Variants in SLC25A48 observed in about 807,000 individuals in gnomAD.
The protein encoded by SLC25A48 is solute carrier family 25 member 48.
Under a neutral mutation model 32.2 loss-of-function variants are expected in SLC25A48, and 29 were observed. That is an observed-to-expected ratio of 0.90 (90% CI 0.67 to 1.23). The LOEUF is 1.23. SLC25A48 is among the 50% of genes most tolerant of loss of function. The probability of loss-of-function intolerance (pLI) is 0.00; values close to 1 mark genes in which losing one functional copy is unlikely to be tolerated. For missense variants in SLC25A48, 399 were observed against 422.7 expected, an observed-to-expected ratio of 0.94 and a Z score of 0.49; for synonymous variants, 164 against 172.3, an observed-to-expected ratio of 0.95 and a Z score of 0.38.
intron 4 of SLC25A48, chr5:135,824,790 A>C (rs972854214): frequency 3.9e-5 from 6 of 152,382 alleles, no homozygotes; most frequent in Non-Finnish European, 7.3e-5. Context: ...CTGCTTCTGC[A>C]GGACAACAGT....
At chr5:135,713,236 T>G (rs1033695131) in intron 3 of SLC25A48, among the ~76,000 whole-genome samples, 2 of 152,246 alleles carry the variant, frequency 1.3e-5, no homozygotes, top group Non-Finnish European at 2.9e-5. Flanking sequence ...CATTAAATTC[T>G]GAGAAGCACT....
chr5:135,700,553 C>G (rs1754371529), intron 3 of SLC25A48, among the ~76,000 whole-genome samples: 1 of 152,150 alleles, frequency 6.6e-6, no homozygotes. Flanking sequence ...GAGAGGCCCC[C>G]ACGGGCAGAT....
intron 4 of SLC25A48, among the ~76,000 whole-genome samples, chr5:135,866,925 G>T (rs1761248863): frequency 6.6e-6 from 1 of 152,180 alleles, no homozygotes; most frequent in South Asian, 2.1e-4. Context: ...AGTTTTTGAG[G>T]TACATAATCT....
At chr5:135,732,741 A>G (rs910153179) in intron 3 of SLC25A48, among the ~76,000 whole-genome samples, 2 of 152,314 alleles carry the variant, frequency 1.3e-5, no homozygotes, top group African/African-American at 4.8e-5. Context: ...TGGTGCAAGA[A>G]CCATTTGCCT....
chr5:135,639,549 T>A (rs2905491), intron 3 of SLC25A48, among the ~76,000 whole-genome samples: 1 of 151,856 alleles, frequency 6.6e-6, no homozygotes, highest in Non-Finnish European at 1.5e-5. Context: ...TGCTCAGGGT[T>A]TGGGAGCTTA....
chr5:135,794,948 C>T (rs201024250), intron 3 of SLC25A48, among the ~76,000 whole-genome samples: 1,397 of 75,926 alleles, frequency 0.018, 24 homozygotes, highest in African/African-American at 0.04. Flanking sequence ...TCACATGGGG[C>T]GTACACCATA....
chr5:135,734,468 T>C (rs1010044611), intron 3 of SLC25A48, among the ~76,000 whole-genome samples: 3 of 152,008 alleles, frequency 2.0e-5, no homozygotes, highest in African/African-American at 7.3e-5. Context: ...GCAACAGTTA[T>C]GGAGGCAAAG....
At chr5:135,854,073 T>C (rs542853207) in intron 4 of SLC25A48, among the ~76,000 whole-genome samples, 2 of 152,308 alleles carry the variant, frequency 1.3e-5, no homozygotes, top group South Asian at 4.1e-4. Flanking sequence ...TTCTGAGCAG[T>C]AGGTCTCAAC....
At chr5:135,676,290 C>G (rs908694550) in intron 3 of SLC25A48, among the ~76,000 whole-genome samples, 1 of 151,876 alleles carries the variant, frequency 6.6e-6, no homozygotes, top group Non-Finnish European at 1.5e-5. Flanking sequence ...TTAATAGTCT[C>G]TGATGATCTT....
chr5:135,707,741 A>G (rs2126971574), intron 3 of SLC25A48, among the ~76,000 whole-genome samples: 1 of 152,214 alleles, frequency 6.6e-6, no homozygotes, highest in East Asian at 1.9e-4. Flanking sequence ...TATGCCCCTC[A>G]TCAGTCTGAA....
At chr5:135,630,963 TG>T (rs934386139) in intron 2 of SLC25A48, among the ~76,000 whole-genome samples, 1 of 152,150 alleles carries the variant, frequency 6.6e-6, no homozygotes, top group Non-Finnish European at 1.5e-5. Context: ...CTCCTGGACC[TG>T]GGCCTTGTTT....
chr5:135,669,208 A>G (rs1753595401), intron 3 of SLC25A48, among the ~76,000 whole-genome samples: 1 of 152,178 alleles, frequency 6.6e-6, no homozygotes, highest in South Asian at 2.1e-4. Context: ...TCTGATATCT[A>G]AATCCAGACC....
intron 3 of SLC25A48, among the ~76,000 whole-genome samples, chr5:135,691,042 C>T (rs980219269): frequency 2.0e-5 from 3 of 151,976 alleles, no homozygotes; most frequent in Non-Finnish European, 2.9e-5. Flanking sequence ...AAAGATGCCA[C>T]GAGTGAAATC....
chr5:135,848,930 G>A (rs1759619010), intron 2 of SLC25A48, among the ~76,000 whole-genome samples: 1 of 152,258 alleles, frequency 6.6e-6, no homozygotes, highest in South Asian at 2.1e-4. Flanking sequence ...GAGGAGTAGG[G>A]TGAGAGCGAA....
intron 3 of SLC25A48, among the ~76,000 whole-genome samples, chr5:135,732,095 A>G (rs1755239362): frequency 6.6e-6 from 1 of 152,256 alleles, no homozygotes; most frequent in African/African-American, 2.4e-5. Context: ...ACAGGCCCGA[A>G]TTTTGAGAAG....
In SLC25A48 at chr5:135,610,510, C is replaced by A. The variant is rs184705656; in HGVS notation, c.-848-18727C>A. Among the ~76,000 whole-genome samples the A allele has an allele frequency of 4.8e-4, 73 of 152,236 alleles. 1 individual carries two copies. Among genetic ancestry groups the A allele is most frequent in the Middle Eastern group, 3.4e-3 (1 of 294 alleles). On this transcript the variant is annotated intron_variant, in intron 1 of 10. Transcript: ENST00000646290. ...TTATTTTTCCCTTTCCATGTCCTTT[C>A]CAGGGTAGTGAAGACATTGACAGCA...
At chr5:135,615,654 G>T (rs1195770114) in intron 1 of SLC25A48, among the ~76,000 whole-genome samples, 1 of 152,210 alleles carries the variant, frequency 6.6e-6, no homozygotes, top group African/African-American at 2.4e-5. Flanking sequence ...TGGTAGAGAA[G>T]AAAAACCCAT....
chr5:135,882,998 C>A (rs1389763843), intron 7 of SLC25A48: 1 of 978,968 alleles, frequency 1.0e-6, no homozygotes, highest in Non-Finnish European at 1.2e-6. Context: ...GTTGTTTGAC[C>A]CCAAGATCCA....
At chr5:135,611,511 A>AAAAAAAAAAAAAAAAAG in intron 1 of SLC25A48, among the ~76,000 whole-genome samples, 2 of 146,346 alleles carry the variant, frequency 1.4e-5, no homozygotes, top group African/African-American at 2.6e-5. Context: ...AAAAAAAAAA[A>AAAAAAAAAAAAAAAAAG]AAAAAAAAAA....
Sources: allele counts gnomAD v4.1 joint callset (sites outside exome capture counted in the v4.1 genomes callset), GRCh38; gene constraint gnomAD v4.1.1; transcripts MANE v1.5; gene names NCBI Gene and HGNC (gene_info 2026-07-23, HGNC 2026-07-21).